PPM1B: variants seen among roughly 807,000 people sequenced by gnomAD.
The protein encoded by PPM1B is protein phosphatase 1B.
In PPM1B, 22 loss-of-function variants were observed where a neutral mutation model predicts 43.0. That is an observed-to-expected ratio of 0.51 (90% CI 0.37 to 0.73). PPM1B has a LOEUF of 0.73. Among genes scored for constraint, PPM1B ranks in the 30% least tolerant of loss-of-function variants. The pLI, the probability that PPM1B is intolerant of heterozygous loss-of-function variation, is 0.00. For missense variants in PPM1B, 632 were observed against 584.2 expected (o/e 1.08, Z -0.84); for synonymous variants, 217 against 197.9 (o/e 1.10, Z -0.81).
At chr2:44,193,726 G>A (rs774622880) in intron 1 of PPM1B, among the ~76,000 whole-genome samples, 109 of 151,912 alleles carry the variant, frequency 7.2e-4, no homozygotes, top group African/African-American at 1.9e-3. Flanking sequence ...TTACAGGCAC[G>A]TGCCACCATG....
downstream of PPM1B, chr2:44,233,209 ATT>A: frequency 2.2e-6 from 2 of 916,044 alleles, no homozygotes; most frequent in Non-Finnish European, 2.6e-6. Flanking sequence ...GTAATTTGGT[ATT>A]TTTAATCATT....
At chr2:44,175,890 A>G (rs1667560598) in intron 1 of PPM1B, among the ~76,000 whole-genome samples, 1 of 151,696 alleles carries the variant, frequency 6.6e-6, no homozygotes, top group South Asian at 2.1e-4. Context: ...GGTTCAGACA[A>G]TTCTCCTGCC....
chr2:44,222,040 C>T (rs1018795925), intron 5 of PPM1B, among the ~76,000 whole-genome samples: 1 of 152,008 alleles, frequency 6.6e-6, no homozygotes, highest in South Asian at 2.1e-4. Flanking sequence ...TAGGGATTCA[C>T]GAATCCCCAG....
chr2:44,192,794 A>C (rs1411396259), intron 1 of PPM1B, among the ~76,000 whole-genome samples: 1 of 152,214 alleles, frequency 6.6e-6, no homozygotes, highest in Non-Finnish European at 1.5e-5. Context: ...TTTAGATGTC[A>C]CATGCAAGTG....
chr2:44,234,517 CAAAAAAA>C (rs1161325442), downstream of PPM1B: 1 of 537,020 alleles, frequency 1.9e-6, no homozygotes, highest in African/African-American at 2.8e-5. Flanking sequence ...GACTCCGTCT[CAAAAAAA>C]AAAAAAAAGA....
At chr2:44,171,598 G>A (rs1667348363) in intron 1 of PPM1B, among the ~76,000 whole-genome samples, 1 of 152,094 alleles carries the variant, frequency 6.6e-6, no homozygotes, top group Non-Finnish European at 1.5e-5. Flanking sequence ...GGGAGGCTGA[G>A]GCGTGTGGAT....
rs892723613 is a variant in PPM1B at position 44,227,186 on chromosome 2, G to C, written c.1135-3227G>C. Among the ~76,000 whole-genome samples the C allele has an allele frequency of 1.9e-4, 29 of 151,594 alleles. 1 individual carries two copies. The highest frequency in any genetic ancestry group is 4.0e-4 in the Non-Finnish European group (27 of 67,894). On this transcript the variant is annotated intron_variant, in intron 5 of 5. Transcript: ENST00000282412. ...GACGGGGTCTCCCCGTGTTGCTCAGGCTGGTCTCAAACTCCTGGGCTCAAG... is the reference window on the plus strand; with the variant it reads ...GACGGGGTCTCCCCGTGTTGCTCAGCCTGGTCTCAAACTCCTGGGCTCAAG...
At chr2:44,172,111 A>G (rs949206513) in intron 1 of PPM1B, among the ~76,000 whole-genome samples, 2 of 152,216 alleles carry the variant, frequency 1.3e-5, no homozygotes, top group African/African-American at 4.8e-5. Flanking sequence ...TTCAAGTAAT[A>G]GCATAAAATG....
At position 44,181,082 on chromosome 2, in the gene PPM1B, C is replaced by T. The variant is rs971026519; in HGVS notation, c.-15+11808C>T. ...ACCCCAGCCTCCCAAGCAGCCGGGA[C>T]CACGGATGTGTGTCACCATACCTGG... On this transcript the variant is annotated intron_variant, in intron 1 of 5. Transcript: ENST00000282412. 3.9e-5 allele frequency among the ~76,000 whole-genome samples: 6 copies of T among 152,156 alleles called. No homozygotes were observed. In the East Asian group the frequency reaches 1.2e-3, roughly 29 times the overall value.
At chr2:44,179,112 G>T (rs907598055) in intron 1 of PPM1B, among the ~76,000 whole-genome samples, 15 of 152,118 alleles carry the variant, frequency 9.9e-5, no homozygotes, top group African/African-American at 3.1e-4. Context: ...AGTCTCATGA[G>T]ATCTGATGGT....
chr2:44,199,943 A>G (rs73924233), intron 1 of PPM1B, among the ~76,000 whole-genome samples: 5,623 of 152,224 alleles, frequency 0.037, 340 homozygotes, highest in African/African-American at 0.13. Context: ...TCATACCTGG[A>G]AAAAATCTCA....
intron 1 of PPM1B, among the ~76,000 whole-genome samples, chr2:44,197,598 A>G (rs1297619765): frequency 6.6e-6 from 1 of 152,164 alleles, no homozygotes; most frequent in Non-Finnish European, 1.5e-5. Flanking sequence ...TGAGCCCCTG[A>G]ACATTTATAT....
At chr2:44,194,449 C>CGT (rs546856001) in intron 1 of PPM1B, among the ~76,000 whole-genome samples, 498 of 152,168 alleles carry the variant, frequency 3.3e-3, no homozygotes, top group African/African-American at 0.012. Flanking sequence ...GCAGGCCGGG[C>CGT]GTGTTGGCTC....
In PPM1B at chr2:44,218,537, G is replaced by C. The variant is rs1425311369; in HGVS notation, c.1134G>C (p.Gly378=). 6.4e-7 allele frequency: 1 copy of C among 1,572,026 alleles called. No homozygotes were observed. Among genetic ancestry groups the C allele is most frequent in the African/African-American group, 1.4e-5 (1 of 72,512 alleles). ...TGAATCCACATAGAGAAAGTGATGG[G>C]GTAAGTTTTATTTTATTTCATAAGC... ...SRLNPHRESD[G]ASDEAEESGS... Residue 378 remains glycine, a splice_region_variant and synonymous_variant, in exon 5 of 6, where the codon GGG becomes GGC. Coordinates refer to ENST00000282412, the MANE Select transcript of PPM1B (RefSeq NM_002706.6).
rs756619848 is a variant in PPM1B, at chr2:44,230,650, A to G, written c.1372A>G (p.Ser458Gly). 1.5e-5 allele frequency: 24 copies of G among 1,614,068 alleles called. No homozygotes were observed. In the South Asian group the frequency reaches 2.3e-4, roughly 16 times the overall value. ...TMQESHTESE[S>G]GLAELDSSNE... ...GCAGGAAAGCCATACTGAATCAGAA[A>G]GTGGTCTTGCTGAATTAGACAGCTC... Residue 458 changes from serine to glycine, a missense_variant, in exon 6 of 6, where the codon AGT becomes GGT. Coordinates refer to ENST00000282412, the MANE Select transcript of PPM1B (RefSeq NM_002706.6).
chr2:44,179,424 T>C (rs1486761166), intron 1 of PPM1B, among the ~76,000 whole-genome samples: 1 of 152,248 alleles, frequency 6.6e-6, no homozygotes, highest in Non-Finnish European at 1.5e-5. Flanking sequence ...GAGTGGTTAG[T>C]GGCTACTATA....
intron 5 of PPM1B, among the ~76,000 whole-genome samples, chr2:44,241,983 C>G (rs1039908632): frequency 2.7e-5 from 4 of 150,626 alleles, no homozygotes; most frequent in Non-Finnish European, 5.9e-5. Context: ...CCCAGCCTTC[C>G]GAGTAGCTGG....
chr2:44,232,440 C>G (rs111545038), downstream of PPM1B: 1 of 1,571,610 alleles, frequency 6.4e-7, no homozygotes, highest in Non-Finnish European at 8.6e-7. Flanking sequence ...AATATTCTTG[C>G]GGATTCCCAA....
chr2:44,215,396 T>TAA (rs1669673290), intron 3 of PPM1B, among the ~76,000 whole-genome samples: 1 of 152,016 alleles, frequency 6.6e-6, no homozygotes. Flanking sequence ...AGTTTGGTGT[T>TAA]ACAGTGAGCT....
Sources: gnomAD v4.1 joint callset for allele counts (sites outside exome capture counted in the v4.1 genomes callset) on GRCh38, gnomAD v4.1.1 for gene constraint, MANE v1.5 for transcripts, NCBI Gene and HGNC (gene_info 2026-07-23, HGNC 2026-07-21) for gene names.